DNAH11: variants seen among roughly 807,000 people sequenced by gnomAD.
DNAH11 encodes the protein axonemal beta dynein heavy chain 11.
In DNAH11, 442 loss-of-function variants were observed where a neutral mutation model predicts 526.0. The ratio of observed to expected loss-of-function variants is 0.84; its 90% CI spans 0.78 to 0.91. The LOEUF (loss-of-function observed/expected upper bound fraction) is 0.91, where lower values mean the gene tolerates loss of function less well. DNAH11 is among the 40% of genes least tolerant of loss of function. DNAH11 has a pLI of 0.00. For missense variants in DNAH11, 6,989 were observed against 5,448.7 expected (o/e 1.28, Z -8.90); for synonymous variants, 2,461 against 1,935.9 (o/e 1.27, Z -7.12).
chr7:21,620,295 T>C (rs892653894), intron 25 of DNAH11, among the ~76,000 whole-genome samples: 2 of 152,152 alleles, frequency 1.3e-5, no homozygotes, highest in African/African-American at 2.4e-5. Context: ...TTATTATTTA[T>C]TGTAGTCACC....
chr7:21,708,464 C>T (rs77530068), intron 40 of DNAH11, among the ~76,000 whole-genome samples: 17 of 152,190 alleles, frequency 1.1e-4, no homozygotes, highest in Non-Finnish European at 1.6e-4. Flanking sequence ...ACTACAGCAG[C>T]GTGTAATCTC....
At position 21,616,300 on chromosome 7, in the gene DNAH11, C is replaced by T; in HGVS notation, c.4095+8C>T. 1 of 1,605,636 alleles carries T rather than the reference C, an allele frequency of 6.2e-7. No homozygotes were observed. On this transcript the variant is annotated splice_region_variant and intron_variant, in intron 22 of 81. Transcript: ENST00000409508. ...CTCAGAAGGTTTGCCAAGGCGAGTTCCATAACTGTCTATTACAACAATTTA... is the reference window on the plus strand; with the variant it reads ...CTCAGAAGGTTTGCCAAGGCGAGTTTCATAACTGTCTATTACAACAATTTA...
At chr7:21,720,132 T>C (rs1656938782) in intron 43 of DNAH11, among the ~76,000 whole-genome samples, 1 of 152,202 alleles carries the variant, frequency 6.6e-6, no homozygotes, top group South Asian at 2.1e-4. Flanking sequence ...TAGTTCGGTG[T>C]CCAAAAAACT....
At chr7:21,633,651 A>G (rs1298342052) in intron 25 of DNAH11, among the ~76,000 whole-genome samples, 3 of 152,146 alleles carry the variant, frequency 2.0e-5, no homozygotes, top group Non-Finnish European at 4.4e-5. Context: ...AAAGTTATGA[A>G]CACTTGTTCT....
intron 74 of DNAH11, among the ~76,000 whole-genome samples, chr7:21,876,990 C>A (rs1783740054): frequency 6.6e-6 from 1 of 152,164 alleles, no homozygotes; most frequent in African/African-American, 2.4e-5. Context: ...ATGTCCTTTC[C>A]CACATCTCCT....
intron 55 of DNAH11, among the ~76,000 whole-genome samples, chr7:21,772,345 CTTCT>C (rs1462096602): frequency 7.8e-6 from 1 of 127,926 alleles, no homozygotes; most frequent in Admixed American, 8.2e-5. Context: ...TTTTTTTTTT[CTTCT>C]TTCTTTCTTT....
At chr7:21,813,155 AGTTGTTTCCATCCAAAGTT>A (rs67616416) in intron 63 of DNAH11, among the ~76,000 whole-genome samples, 63,054 of 150,766 alleles carry the variant, frequency 0.42, 13,924 homozygotes, top group East Asian at 0.82. Flanking sequence ...TGTTTTCCAA[AGTTGTTTCCATCCAAAGTT>A]GTTGTTTCCA....
intron 25 of DNAH11, among the ~76,000 whole-genome samples, chr7:21,633,378 A>T (rs1449203566): frequency 6.6e-6 from 1 of 152,210 alleles, no homozygotes; most frequent in Non-Finnish European, 1.5e-5. Flanking sequence ...TTCTGTCCAG[A>T]TGATCTATCC....
intron 70 of DNAH11, 67 bp from the exon 71 acceptor site, chr7:21,866,403 A>T: frequency 2.1e-6 from 3 of 1,451,172 alleles, no homozygotes; most frequent in Non-Finnish European, 2.8e-6. Context: ...ATACATTCAC[A>T]AGTCTTCTTC....
At chr7:21,624,113 C>G (rs371781502) in intron 25 of DNAH11, among the ~76,000 whole-genome samples, 3 of 152,058 alleles carry the variant, frequency 2.0e-5, no homozygotes, top group East Asian at 3.9e-4. Flanking sequence ...AGTTGCAACA[C>G]ATGAGCTTTG....
At chr7:21,648,569 C>A (rs115156426) in intron 28 of DNAH11, among the ~76,000 whole-genome samples, 4 of 152,304 alleles carry the variant, frequency 2.6e-5, no homozygotes, top group Admixed American at 2.6e-4. Flanking sequence ...AGCCACCGAT[C>A]ACCAGCAGGC....
At chr7:21,728,546 G>A (rs1177812326) in intron 45 of DNAH11, among the ~76,000 whole-genome samples, 19 of 152,030 alleles carry the variant, frequency 1.2e-4, no homozygotes, top group South Asian at 4.2e-4. Context: ...GGCATGAGCC[G>A]CCACGCCCGG....
chr7:21,830,012 T>C (rs1790479181), intron 65 of DNAH11, among the ~76,000 whole-genome samples: 1 of 152,222 alleles, frequency 6.6e-6, no homozygotes, highest in Admixed American at 6.5e-5. Flanking sequence ...TAGACGTCTT[T>C]TTGCCCCAGG....
chr7:21,856,578 C>T (rs1484963154), intron 68 of DNAH11, among the ~76,000 whole-genome samples: 1 of 152,054 alleles, frequency 6.6e-6, no homozygotes, highest in Non-Finnish European at 1.5e-5. Flanking sequence ...TTGGTAAACT[C>T]CTCCAGAAAA....
chr7:21,703,595 C>T (rs1294155237), intron 37 of DNAH11: 4 of 152,028 alleles, frequency 2.6e-5, no homozygotes, highest in Admixed American at 2.6e-4. Context: ...CATCGGATCT[C>T]GTGAGAACAG....
intron 54 of DNAH11, among the ~76,000 whole-genome samples, chr7:21,764,661 C>G (rs1787092786): frequency 6.6e-6 from 1 of 152,212 alleles, no homozygotes; most frequent in African/African-American, 2.4e-5. Flanking sequence ...CCAGGTGCTC[C>G]TCTCACTGAG....
At chr7:21,721,646 C>T (rs1223456503) in intron 44 of DNAH11, among the ~76,000 whole-genome samples, 5 of 152,164 alleles carry the variant, frequency 3.3e-5, no homozygotes, top group Admixed American at 3.3e-4. Context: ...AATGAGGACA[C>T]TAATCCCATC....
At chr7:21,631,303 T>C (rs768836809) in intron 25 of DNAH11, among the ~76,000 whole-genome samples, 3 of 152,156 alleles carry the variant, frequency 2.0e-5, no homozygotes, top group Non-Finnish European at 2.9e-5. Context: ...AGCCAAACCA[T>C]ATCATTCCAC....
At chr7:21,849,178 C>T (rs1782531574) in intron 66 of DNAH11, among the ~76,000 whole-genome samples, 1 of 152,228 alleles carries the variant, frequency 6.6e-6, no homozygotes, top group African/African-American at 2.4e-5. Context: ...AGCCACCATG[C>T]CCAGCCTCTA....
Sources: gnomAD v4.1 joint callset for allele counts (sites outside exome capture counted in the v4.1 genomes callset) on GRCh38, gnomAD v4.1.1 for gene constraint, MANE v1.5 for transcripts, NCBI Gene and HGNC (gene_info 2026-07-23, HGNC 2026-07-21) for gene names.